Variants in ANO10 observed in about 807,000 individuals in gnomAD.
ANO10 encodes anoctamin-10.
In ANO10, 77 loss-of-function variants were observed where a neutral mutation model predicts 74.7. That is an observed-to-expected ratio of 1.03 (90% CI 0.86 to 1.25). The LOEUF (loss-of-function observed/expected upper bound fraction) is 1.25. Ranked by LOEUF, ANO10 falls within the 50% of genes most tolerant of loss-of-function variation. The pLI, the probability that ANO10 is intolerant of heterozygous loss-of-function variation, is 0.00. For synonymous variants in ANO10, 279 were observed against 284.9 expected (o/e 0.98, Z 0.21); for missense variants, 721 against 778.1 (o/e 0.93, Z 0.87).
chr3:43,638,786 G>A (rs547988911), intron 1 of ANO10: 2 of 152,286 alleles, frequency 1.3e-5, no homozygotes, highest in South Asian at 4.1e-4. Flanking sequence ...ACTCAAGGTA[G>A]GTACCACTCC....
chr3:43,520,612 C>A (rs2077910630), intron 11 of ANO10, among the ~76,000 whole-genome samples: 1 of 152,284 alleles, frequency 6.6e-6, no homozygotes, highest in East Asian at 1.9e-4. Context: ...TTTGAGTACA[C>A]TGATCTACAT....
intron 12 of ANO10, among the ~76,000 whole-genome samples, chr3:43,384,307 T>C (rs1165073015): frequency 6.6e-6 from 1 of 152,188 alleles, no homozygotes; most frequent in Non-Finnish European, 1.5e-5. Context: ...ACACATCCCA[T>C]GCTCATGGAT....
chr3:43,550,355 A>G, intron 10 of ANO10, among the ~76,000 whole-genome samples: 1 of 152,344 alleles, frequency 6.6e-6, no homozygotes, highest in South Asian at 2.1e-4. Context: ...AATCAAATGT[A>G]GAACTTTAGA....
chr3:43,435,871 A>C (rs979098794), intron 11 of ANO10, among the ~76,000 whole-genome samples: 1 of 152,206 alleles, frequency 6.6e-6, no homozygotes, highest in Non-Finnish European at 1.5e-5. Flanking sequence ...AATAACAATG[A>C]ATACTTGTGA....
intron 11 of ANO10, among the ~76,000 whole-genome samples, chr3:43,496,220 A>G (rs188026969): frequency 1.3e-5 from 2 of 152,160 alleles, no homozygotes; most frequent in Non-Finnish European, 2.9e-5. Flanking sequence ...AAATATCGGA[A>G]AACAATCAGA....
At chr3:43,594,215 T>A (rs1447004723) in intron 4 of ANO10, among the ~76,000 whole-genome samples, 1 of 152,098 alleles carries the variant, frequency 6.6e-6, no homozygotes, top group African/African-American at 2.4e-5. Flanking sequence ...GACAGAAAGT[T>A]AACAAGGATA....
intron 12 of ANO10, among the ~76,000 whole-genome samples, chr3:43,396,054 C>T (rs931218846): frequency 6.6e-6 from 1 of 151,706 alleles, no homozygotes; most frequent in African/African-American, 2.4e-5. Flanking sequence ...ATTCTGAATG[C>T]CTTTTATTAA....
At chr3:43,538,150 T>TA (rs924275953) in intron 11 of ANO10, among the ~76,000 whole-genome samples, 1 of 151,970 alleles carries the variant, frequency 6.6e-6, no homozygotes, top group African/African-American at 2.4e-5. Flanking sequence ...AATTTCAGTA[T>TA]AAAAAAAACA....
intron 1 of ANO10, among the ~76,000 whole-genome samples, chr3:43,648,646 T>C (rs1269232270): frequency 6.6e-6 from 1 of 151,376 alleles, no homozygotes; most frequent in Non-Finnish European, 1.5e-5. Context: ...TCTCGTGGCC[T>C]TCTTGGTTTT....
At chr3:43,407,219 T>C (rs894474556) in intron 12 of ANO10, among the ~76,000 whole-genome samples, 1 of 152,082 alleles carries the variant, frequency 6.6e-6, no homozygotes, top group African/African-American at 2.4e-5. Context: ...GGAGATACTT[T>C]AGAGATCACC....
rs377642033 is a variant in ANO10 at position 43,520,288 on chromosome 3, T to C, written c.1797+29432A>G. Among the ~76,000 whole-genome samples, 16 of 152,310 alleles carry C rather than the reference T, an allele frequency of 1.1e-4. 1 individual carries two copies. Among genetic ancestry groups the C allele is most frequent in the East Asian group, 7.7e-4 (4 of 5,192 alleles). ...TCAGGCTGCTATAAACAAAATGCCA[T>C]ATACTTGATAGCTTATAAACAACAG... On this transcript the variant is annotated intron_variant, in intron 11 of 12. Transcript: ENST00000292246.
At chr3:43,409,302 C>A (rs918755685) in intron 12 of ANO10, among the ~76,000 whole-genome samples, 1 of 152,048 alleles carries the variant, frequency 6.6e-6, no homozygotes, top group Non-Finnish European at 1.5e-5. Context: ...AATTCCAGCA[C>A]TTTGGGAGGC....
intron 11 of ANO10, among the ~76,000 whole-genome samples, chr3:43,468,121 C>A (rs1269422276): frequency 6.6e-6 from 1 of 152,176 alleles, no homozygotes; most frequent in Admixed American, 6.5e-5. Flanking sequence ...AAATTACTTT[C>A]CTGCTTTGGC....
At chr3:43,665,384 G>GTAA (rs2083978339) in intron 1 of ANO10, among the ~76,000 whole-genome samples, 2 of 152,088 alleles carry the variant, frequency 1.3e-5, no homozygotes, top group Non-Finnish European at 2.9e-5. Context: ...GGGGTGGGCG[G>GTAA]TTAAGGGAGG....
chr3:43,450,153 G>A (rs1473396136), intron 11 of ANO10, among the ~76,000 whole-genome samples: 4 of 152,124 alleles, frequency 2.6e-5, no homozygotes, highest in Non-Finnish European at 4.4e-5. Context: ...TTAGAATAAA[G>A]TGGAAAAATA....
At chr3:43,591,712 G>T (rs1359842627) in intron 4 of ANO10, among the ~76,000 whole-genome samples, 1 of 152,208 alleles carries the variant, frequency 6.6e-6, no homozygotes, top group African/African-American at 2.4e-5. Flanking sequence ...TCCAACTGAG[G>T]TACCAGGTTC....
intron 12 of ANO10, among the ~76,000 whole-genome samples, chr3:43,370,218 A>T (rs1457066337): frequency 1.3e-5 from 2 of 152,234 alleles, no homozygotes; most frequent in African/African-American, 4.8e-5. Context: ...CACAGAATTT[A>T]TGATTAGGAA....
rs566321757 is a variant in ANO10, at chr3:43,416,972, T to A, written c.1914+15639A>T. Among the ~76,000 whole-genome samples the A allele has an allele frequency of 2.0e-5, 3 of 152,314 alleles. No individual in the cohort carries two copies. The South Asian group carries it at 6.2e-4, about 32-fold the overall frequency. ...CTTCTGGTGTCATTTCCAATTTCAA[T>A]AGGATTTTAAAAGGAAGGTAAACTC... On this transcript the variant is annotated intron_variant, in intron 12 of 12. Coordinates refer to ENST00000292246, the MANE Select transcript of ANO10 (RefSeq NM_018075.5).
intron 7 of ANO10, among the ~76,000 whole-genome samples, chr3:43,569,226 G>T (rs2080553650): frequency 7.7e-6 from 1 of 130,542 alleles, no homozygotes; most frequent in Admixed American, 7.9e-5. Context: ...TCCAGGACCA[G>T]ATGGATTCAC....
Sources: allele counts gnomAD v4.1 joint callset (sites outside exome capture counted in the v4.1 genomes callset), GRCh38; gene constraint gnomAD v4.1.1; transcripts MANE v1.5; gene names NCBI Gene and HGNC (gene_info 2026-07-23, HGNC 2026-07-21).